STK38L: variants seen among roughly 807,000 people sequenced by gnomAD.
STK38L encodes the protein serine/threonine kinase 38 like.
A neutral mutation model predicts 59.7 loss-of-function variants in STK38L; 28 were observed. The ratio of observed to expected loss-of-function variants is 0.47; its 90% CI spans 0.35 to 0.64. The LOEUF (loss-of-function observed/expected upper bound fraction) is 0.64. Among genes scored for constraint, STK38L ranks in the 30% least tolerant of loss-of-function variants. STK38L has a pLI of 0.01. For missense variants in STK38L, 314 were observed against 555.8 expected (o/e 0.56, Z 4.37); for synonymous variants, 162 against 176.8 (o/e 0.92, Z 0.66).
intron 1 of STK38L, among the ~76,000 whole-genome samples, chr12:27,267,457 C>T (rs888390633): frequency 1.5e-4 from 23 of 152,222 alleles, no homozygotes; most frequent in African/African-American, 5.3e-4. Context: ...GGCACGGTGG[C>T]ATATGCTTAT....
intron 5 of STK38L, among the ~76,000 whole-genome samples, chr12:27,309,482 GT>G: frequency 6.6e-6 from 1 of 152,280 alleles, no homozygotes; most frequent in South Asian, 2.1e-4. Context: ...AAAAATGAAA[GT>G]TTGGGCAGGT....
chr12:27,252,288 AC>A (rs1373146886), intron 1 of STK38L, among the ~76,000 whole-genome samples: 1 of 152,202 alleles, frequency 6.6e-6, no homozygotes, highest in East Asian at 1.9e-4. Flanking sequence ...CTACAAAAGC[AC>A]TTTTGTAGAA....
At chr12:27,319,012 T>G (rs958496598) in intron 11 of STK38L, among the ~76,000 whole-genome samples, 2 of 152,032 alleles carry the variant, frequency 1.3e-5, no homozygotes, top group African/African-American at 2.4e-5. Flanking sequence ...AAAAAAAAAT[T>G]TATTGAAAAA....
chr12:27,295,141 T>A (rs1012875535), intron 1 of STK38L, among the ~76,000 whole-genome samples: 4 of 152,240 alleles, frequency 2.6e-5, no homozygotes, highest in African/African-American at 9.7e-5. Context: ...GCCATGATAA[T>A]TCTTGAGTTT....
rs1180410475 is a variant in STK38L at position 27,308,826 on chromosome 12, AT to A, written c.310-287del. Reference sequence around the variant, plus strand: ...ATGAGTGAAACGCTCTCTCAAAAAAATATATATATGTGTTTGTATGTATATA... The same window carrying A: ...ATGAGTGAAACGCTCTCTCAAAAAAAATATATATGTGTTTGTATGTATATA... On this transcript the variant is annotated intron_variant, in intron 4 of 13. Coordinates refer to ENST00000389032, the MANE Select transcript of STK38L (RefSeq NM_015000.4). This position sits in a 1 kb window ranked among gnomAD's most constrained non-coding sequence, Gnocchi z 4.5. 4.1e-5 allele frequency among the ~76,000 whole-genome samples: 6 copies of A among 148,084 alleles called. No individual in the cohort carries two copies. The Admixed American group carries it at 4.1e-4, about 10-fold the overall frequency.
chr12:27,261,915 T>A (rs1457043245), intron 1 of STK38L, among the ~76,000 whole-genome samples: 4 of 152,244 alleles, frequency 2.6e-5, no homozygotes, highest in Non-Finnish European at 5.9e-5. Flanking sequence ...TATTATTAAC[T>A]AATACAGTAT....
At chr12:27,319,529 A>G in intron 12 of STK38L, 106 bp downstream of exon 12, 1 of 723,560 alleles carries the variant, frequency 1.4e-6, no homozygotes, top group Non-Finnish European at 2.3e-6. Context: ...AAAGTAACAT[A>G]TAATGTCATT....
chr12:27,291,039 G>A (rs541772861), intron 1 of STK38L, among the ~76,000 whole-genome samples: 2 of 152,192 alleles, frequency 1.3e-5, no homozygotes, highest in South Asian at 4.1e-4. Context: ...TATCCGAAGT[G>A]CAAATCAGAT....
intron 1 of STK38L, among the ~76,000 whole-genome samples, chr12:27,290,135 C>A (rs1055155967): frequency 6.6e-6 from 1 of 152,174 alleles, no homozygotes; most frequent in African/African-American, 2.4e-5. Context: ...AAACACATGA[C>A]GTATCTCAGT....
At chr12:27,278,726 T>G (rs1943589304) in intron 1 of STK38L, among the ~76,000 whole-genome samples, 1 of 152,190 alleles carries the variant, frequency 6.6e-6, no homozygotes, top group South Asian at 2.1e-4. Context: ...ATGCAATTTT[T>G]TAAAAGTACT....
intron 1 of STK38L, among the ~76,000 whole-genome samples, chr12:27,246,293 C>T (rs560721827): frequency 1.3e-4 from 20 of 151,408 alleles, no homozygotes; most frequent in African/African-American, 4.6e-4. Flanking sequence ...TTAGAAAGTG[C>T]CTCCCCAGTG....
rs967707893 is a variant in STK38L, at chr12:27,324,981, C to A, written c.*2526C>A. ...GAATTAAAAGAGTTTTATTATAAAC[C>A]GTGTGTTTTTGGTTTTTCTAAGTAT... On this transcript the variant is annotated 3_prime_UTR_variant, in exon 14 of 14. Coordinates refer to ENST00000389032, the MANE Select transcript of STK38L (RefSeq NM_015000.4). 1.3e-5 allele frequency: 2 copies of A among 151,796 alleles called. No individual in the cohort carries two copies. Among genetic ancestry groups the A allele is most frequent in the Non-Finnish European group, 2.9e-5 (2 of 67,900 alleles). 9.4% of individuals were successfully genotyped at this position (151,796 alleles called of 1,614,324 possible).
In STK38L at chr12:27,308,222, G is replaced by A; in HGVS notation, c.187-117G>A. ...TTCTTTAAATTGTTTTAGCCTAATA[G>A]TATATTACATATTAGTGCTATCATT... On this transcript the variant is annotated intron_variant, in intron 3 of 13. Coordinates refer to ENST00000389032, the MANE Select transcript of STK38L (RefSeq NM_015000.4). The surrounding 1 kb of genome is among the most constrained non-coding windows in gnomAD (Gnocchi z 4.5). 1.0e-6 allele frequency: 1 copy of A among 971,054 alleles called. No homozygotes were observed. The highest frequency in any genetic ancestry group is 1.4e-6 in the Non-Finnish European group (1 of 720,084). The allele number at this position is 971,054 out of a possible 1,614,324, so 60.2% of individuals were successfully genotyped here.
At chr12:27,283,865 C>CGAGG (rs1943712423) in intron 1 of STK38L, among the ~76,000 whole-genome samples, 1 of 152,186 alleles carries the variant, frequency 6.6e-6, no homozygotes, top group South Asian at 2.1e-4. Flanking sequence ...CCCATGACCT[C>CGAGG]ATACACTGTA....
chr12:27,303,574 A>G (rs560779957), intron 3 of STK38L, among the ~76,000 whole-genome samples: 15 of 152,308 alleles, frequency 9.8e-5, no homozygotes, highest in Non-Finnish European at 2.1e-4. Context: ...ATAAACAAAT[A>G]ATGGCTTTTG....
chr12:27,305,733 G>A (rs958894080), intron 3 of STK38L, among the ~76,000 whole-genome samples: 13 of 152,166 alleles, frequency 8.5e-5, no homozygotes, highest in African/African-American at 2.4e-4. Context: ...AGGAAGAAAA[G>A]CACTTTCTAG....
rs573670833 is a variant in STK38L, at chr12:27,273,583, G to T, written c.-11-24127G>T. Among the ~76,000 whole-genome samples, 152 of 152,182 alleles carry T rather than the reference G, an allele frequency of 1.0e-3. 2 individuals carry two copies. The highest frequency in any genetic ancestry group is 4.3e-3 in the Admixed American group (66 of 15,276). ...ACATAATTAATGTATAGTTAATTAT[G>T]AATTATTTATTTTTATTATTGTCAA... On this transcript the variant is annotated intron_variant, in intron 1 of 13. Coordinates refer to ENST00000389032, the MANE Select transcript of STK38L (RefSeq NM_015000.4).
chr12:27,293,870 T>G (rs935014072), intron 1 of STK38L: 12 of 152,254 alleles, frequency 7.9e-5, no homozygotes, highest in African/African-American at 2.7e-4. Flanking sequence ...GAGTTGGGTC[T>G]TTACCTTTTG....
At chr12:27,275,459 T>A (rs1332702278) in intron 1 of STK38L, among the ~76,000 whole-genome samples, 1 of 151,126 alleles carries the variant, frequency 6.6e-6, no homozygotes, top group African/African-American at 2.4e-5. Context: ...TTCTCTTGCC[T>A]CCCAAGTAGC....
Sources: gnomAD v4.1 joint callset for allele counts (sites outside exome capture counted in the v4.1 genomes callset) on GRCh38, gnomAD v4.1.1 for gene constraint, Gnocchi (gnomAD v3.1) non-coding constraint, MANE v1.5 for transcripts, NCBI Gene and HGNC (gene_info 2026-07-23, HGNC 2026-07-21) for gene names.